Variants in ANKS1A observed in about 807,000 individuals in gnomAD.
The protein encoded by ANKS1A is ankyrin repeat and sterile alpha motif domain containing 1A.
A neutral mutation model predicts 120.3 loss-of-function variants in ANKS1A; 55 were observed. That is an observed-to-expected ratio of 0.46 (90% confidence interval 0.37 to 0.57). The LOEUF is 0.57. Among genes scored for constraint, ANKS1A ranks in the 20% least tolerant of loss-of-function variants. The pLI, the probability that ANKS1A is intolerant of heterozygous loss-of-function variation, is 0.00. For missense variants in ANKS1A, 1,123 were observed against 1,480.3 expected (o/e 0.76, Z 3.96); for synonymous variants, 590 against 604.7 (o/e 0.98, Z 0.36).
chr6:35,045,914 G>A lies in ANKS1A; in HGVS notation c.2011-8185G>A, dbSNP rs184874055. 2.5e-3 allele frequency among the ~76,000 whole-genome samples: 385 copies of A among 152,250 alleles called. 3 individuals carry two copies. The highest frequency in any genetic ancestry group is 7.9e-3 in the African/African-American group (328 of 41,550). ...AAAAGTGCTTTCAGGGTCGGTGGTC[G>A]ACCTTGCTGTGAGCACATGAATTCT... On this transcript the variant is annotated intron_variant, in intron 11 of 23. Coordinates refer to ENST00000360359, the MANE Select transcript of ANKS1A (RefSeq NM_015245.3).
At chr6:35,030,790 C>T (rs927833141) in intron 11 of ANKS1A, among the ~76,000 whole-genome samples, 1 of 152,150 alleles carries the variant, frequency 6.6e-6, no homozygotes, top group Admixed American at 6.5e-5. Context: ...GCAATTATGT[C>T]CTCCCACCCT....
At chr6:34,985,832 C>T (rs1048341009) in intron 8 of ANKS1A, among the ~76,000 whole-genome samples, 3 of 152,178 alleles carry the variant, frequency 2.0e-5, no homozygotes, top group Non-Finnish European at 4.4e-5. Context: ...TGCCTCCAGC[C>T]ATTGAGATAA....
At chr6:34,993,829 G>C (rs566190487) in intron 9 of ANKS1A, among the ~76,000 whole-genome samples, 19 of 152,338 alleles carry the variant, frequency 1.2e-4, no homozygotes, top group Admixed American at 1.3e-4. Flanking sequence ...GCATGGCTAA[G>C]AGCTGCTTGG....
intron 1 of ANKS1A, among the ~76,000 whole-genome samples, chr6:34,916,268 C>G (rs767783182): frequency 1.3e-5 from 2 of 152,150 alleles, no homozygotes; most frequent in Non-Finnish European, 2.9e-5. Context: ...GCTGGGATTA[C>G]AGGCATGAGC....
intron 13 of ANKS1A, among the ~76,000 whole-genome samples, chr6:35,061,070 G>A (rs1202941619): frequency 1.3e-5 from 2 of 152,208 alleles, no homozygotes; most frequent in Non-Finnish European, 2.9e-5. Flanking sequence ...TGTGCTTGGC[G>A]CCGTTCTTAG....
intron 9 of ANKS1A, among the ~76,000 whole-genome samples, chr6:34,993,834 G>A (rs1772702568): frequency 6.6e-6 from 1 of 152,212 alleles, no homozygotes; most frequent in African/African-American, 2.4e-5. Flanking sequence ...GCTAAGAGCT[G>A]CTTGGCAAGT....
At chr6:34,897,273 C>CA (rs1223244659) in intron 1 of ANKS1A, among the ~76,000 whole-genome samples, 2 of 152,082 alleles carry the variant, frequency 1.3e-5, no homozygotes, top group Non-Finnish European at 2.9e-5. Flanking sequence ...AGCATGTTCA[C>CA]GGGTCATAGG....
intron 1 of ANKS1A, among the ~76,000 whole-genome samples, chr6:34,903,037 A>G (rs1290613745): frequency 1.3e-5 from 2 of 152,192 alleles, no homozygotes; most frequent in African/African-American, 4.8e-5. Flanking sequence ...GAAATTTCAC[A>G]GTCACTTAAA....
rs917185809 is a variant in ANKS1A at position 35,082,812 on chromosome 6, C to T, written c.2831C>T (p.Ala944Val). The change falls in exon 18 of 24, where the codon GCC (alanine) becomes GTC (valine). Residue 944 changes from alanine (A) to valine (V), a missense_variant. By Grantham distance (64) the Ala-to-Val change is moderately conservative (BLOSUM62 0). This residue lies in a region of ANKS1A where 904 missense variants were observed against 1,130.4 expected (regional missense o/e 0.80). Coordinates refer to ENST00000360359, the MANE Select transcript of ANKS1A (RefSeq NM_015245.3). The surrounding 1 kb of genome is among the most constrained non-coding windows in gnomAD (Gnocchi z 4.1). The part of the protein sequence containing the change: ...KLIFESCGYE[A>V]NYLGSMLIKD... ...ATCTTCGAGTCCTGTGGTTATGAAG[C>T]CAATGTGAGTTGCTCCCACCCTCCC... is the stretch of plus-strand genomic sequence containing the variant. The T allele has an allele frequency of 3.1e-6, 5 of 1,612,628 alleles. No individual in the cohort carries two copies. Among genetic ancestry groups the T allele is most frequent in the Non-Finnish European group, 1.7e-6 (2 of 1,179,278 alleles).
intron 13 of ANKS1A, among the ~76,000 whole-genome samples, chr6:35,075,477 G>A (rs970062599): frequency 3.2e-4 from 47 of 148,376 alleles, no homozygotes; most frequent in African/African-American, 1.0e-3. Flanking sequence ...GTGCAGTGGC[G>A]CGATCTCAGC....
intron 3 of ANKS1A, among the ~76,000 whole-genome samples, chr6:34,981,023 T>C (rs1292996346): frequency 1.3e-5 from 2 of 152,208 alleles, no homozygotes; most frequent in Non-Finnish European, 2.9e-5. Flanking sequence ...ATGAAGTAGA[T>C]ACTGCATGCG....
chr6:35,077,806 CAG>C (rs1159906270), intron 13 of ANKS1A, among the ~76,000 whole-genome samples: 3 of 152,174 alleles, frequency 2.0e-5, no homozygotes, highest in African/African-American at 7.2e-5. Flanking sequence ...ACGGGATTAA[CAG>C]AGACCCTAAC....
chr6:34,996,377 C>A (rs891909282), intron 10 of ANKS1A, among the ~76,000 whole-genome samples: 1 of 151,834 alleles, frequency 6.6e-6, no homozygotes, highest in Non-Finnish European at 1.5e-5. Context: ...TGTGACTTGT[C>A]TTTTTGTTGC....
At chr6:34,916,019 G>A (rs1453764971) in intron 1 of ANKS1A, among the ~76,000 whole-genome samples, 2 of 138,988 alleles carry the variant, frequency 1.4e-5, no homozygotes, top group Non-Finnish European at 3.0e-5. Context: ...TGGAGATGGA[G>A]TCTTGCTCTG....
At chr6:34,999,451 T>C (rs112955591) in intron 10 of ANKS1A, among the ~76,000 whole-genome samples, 1,919 of 152,274 alleles carry the variant, frequency 0.013, 35 homozygotes, top group African/African-American at 0.038. Context: ...CTGTTCTTTG[T>C]TTTGTGCGTG....
In ANKS1A at chr6:35,082,957, A is replaced by G; in HGVS notation, c.2835+141A>G. On this transcript the variant is annotated intron_variant, in intron 18 of 23. Transcript: ENST00000360359. This position sits in a 1 kb window ranked among gnomAD's most constrained non-coding sequence, Gnocchi z 4.1. ...TTCTCCACTCTCAGCCACTCTTGACAGCTAAGGCGAAGGGGTGGAGGCCTC... is the reference window on the plus strand; with the variant it reads ...TTCTCCACTCTCAGCCACTCTTGACGGCTAAGGCGAAGGGGTGGAGGCCTC... 1 of 1,414,216 alleles carries G rather than the reference A, an allele frequency of 7.1e-7. No individual in the cohort carries two copies. The allele number at this position is 1,414,216 out of a possible 1,614,324, so 87.6% of individuals were successfully genotyped here.
At position 35,086,548 on chromosome 6, in the gene ANKS1A, C is replaced by T. The variant is rs1777995723; in HGVS notation, c.3304-404C>T. Among the ~76,000 whole-genome samples the T allele has an allele frequency of 6.6e-6, 1 of 152,044 alleles. No homozygotes were observed. Among genetic ancestry groups the T allele is most frequent in the Admixed American group, 6.5e-5 (1 of 15,278 alleles). ...GTTTTTCTGTTGTGTGTCCTCTCTCCAGAGGTCTGGGGTGACTGCTGTGGT... is the reference window on the plus strand; with the variant it reads ...GTTTTTCTGTTGTGTGTCCTCTCTCTAGAGGTCTGGGGTGACTGCTGTGGT... On this transcript the variant is annotated intron_variant, in intron 22 of 23. Transcript: ENST00000360359. This position sits in a 1 kb window ranked among gnomAD's most constrained non-coding sequence, Gnocchi z 5.1.
At chr6:35,092,365 T>G (rs557395928), downstream of ANKS1A, among the ~76,000 whole-genome samples, 5 of 152,346 alleles carry the variant, frequency 3.3e-5, no homozygotes, top group Admixed American at 6.5e-5. Flanking sequence ...CAATAGTTGT[T>G]TATGTCTAAA....
intron 1 of ANKS1A, among the ~76,000 whole-genome samples, chr6:34,960,068 G>A (rs572856001): frequency 6.6e-6 from 1 of 152,104 alleles, no homozygotes; most frequent in South Asian, 2.1e-4. Context: ...TCTGTGGGCG[G>A]AGCTCCCTGC....
Sources: allele counts gnomAD v4.1 joint callset (sites outside exome capture counted in the v4.1 genomes callset), GRCh38; gene constraint gnomAD v4.1.1; regional missense constraint gnomAD v4.1.1; non-coding constraint Gnocchi (gnomAD v3.1); transcripts MANE v1.5; gene names NCBI Gene and HGNC (gene_info 2026-07-23, HGNC 2026-07-21).